SORCS3: variants seen among roughly 807,000 people sequenced by gnomAD.
The protein encoded by SORCS3 is sortilin related VPS10 domain containing receptor 3, also known as VPS10 domain-containing receptor SorCS3.
A neutral mutation model predicts 146.3 loss-of-function variants in SORCS3; 57 were observed. The observed-to-expected ratio is 0.39, with a 90% CI of 0.31 to 0.49. The LOEUF (loss-of-function observed/expected upper bound fraction) is 0.49, where lower values mean the gene tolerates loss of function less well. Ranked by LOEUF, SORCS3 falls within the 20% of genes least tolerant of loss-of-function variation. The pLI is 0.92. For synonymous variants in SORCS3, 653 were observed against 618.5 expected, an observed-to-expected ratio of 1.06 and a Z score of -0.83; for missense variants, 1,341 against 1,575.5, an observed-to-expected ratio of 0.85 and a Z score of 2.52.
At chr10:105,243,567 T>A (rs1261732421) in intron 20 of SORCS3, among the ~76,000 whole-genome samples, 1 of 152,148 alleles carries the variant, frequency 6.6e-6, no homozygotes, top group East Asian at 1.9e-4. Context: ...TATCGATTAA[T>A]TCAGAAGGTC....
At chr10:104,832,342 G>A (rs2018009975) in intron 1 of SORCS3, among the ~76,000 whole-genome samples, 1 of 152,148 alleles carries the variant, frequency 6.6e-6, no homozygotes, top group Non-Finnish European at 1.5e-5. Flanking sequence ...CAGCTGGTAA[G>A]TAACCCCTTC....
chr10:105,187,737 G>A (rs971347837), intron 14 of SORCS3, among the ~76,000 whole-genome samples: 1 of 152,110 alleles, frequency 6.6e-6, no homozygotes, highest in African/African-American at 2.4e-5. Flanking sequence ...GCTATTACAA[G>A]AACATTTATT....
chr10:104,905,833 T>C (rs1242838558), intron 2 of SORCS3, among the ~76,000 whole-genome samples: 2 of 152,154 alleles, frequency 1.3e-5, no homozygotes, highest in African/African-American at 4.8e-5. Context: ...CACTCTCTTC[T>C]CTCCCGGGCT....
At chr10:104,726,711 C>T (rs1205319423) in intron 1 of SORCS3, among the ~76,000 whole-genome samples, 4 of 152,132 alleles carry the variant, frequency 2.6e-5, no homozygotes, top group Admixed American at 2.6e-4. Flanking sequence ...ACTTCAGAGG[C>T]ATCTGCAATC....
intron 1 of SORCS3, among the ~76,000 whole-genome samples, chr10:104,813,177 T>G (rs1350732438): frequency 6.6e-6 from 1 of 152,204 alleles, no homozygotes; most frequent in African/African-American, 2.4e-5. Context: ...TTCAGGGCCT[T>G]CACTGCTGCT....
At chr10:105,237,555 A>G (rs1463546784) in intron 20 of SORCS3, among the ~76,000 whole-genome samples, 2 of 152,246 alleles carry the variant, frequency 1.3e-5, no homozygotes, top group Middle Eastern at 6.8e-3. Context: ...GTGCAGTGCT[A>G]TTTGCTAACA....
intron 3 of SORCS3, among the ~76,000 whole-genome samples, chr10:104,947,283 A>G (rs920359235): frequency 1.3e-5 from 2 of 152,198 alleles, no homozygotes; most frequent in South Asian, 2.1e-4. Flanking sequence ...AGCAGGGTCC[A>G]TGCATTCTGT....
intron 4 of SORCS3, among the ~76,000 whole-genome samples, chr10:105,016,701 A>G (rs1349717725): frequency 6.6e-6 from 1 of 152,102 alleles, no homozygotes; most frequent in Non-Finnish European, 1.5e-5. Flanking sequence ...AGGCTCTATC[A>G]TGCTGGCTGG....
At chr10:104,909,335 C>G (rs912411646) in intron 2 of SORCS3, among the ~76,000 whole-genome samples, 1 of 151,992 alleles carries the variant, frequency 6.6e-6, no homozygotes, top group Non-Finnish European at 1.5e-5. Context: ...TGTCAGATGC[C>G]GTGGTTGATA....
intron 11 of SORCS3, among the ~76,000 whole-genome samples, chr10:105,163,558 A>G (rs1186563007): frequency 1.3e-5 from 2 of 152,176 alleles, no homozygotes; most frequent in Non-Finnish European, 1.5e-5. Context: ...AAACGAAATC[A>G]ATATAGATGG....
chr10:104,959,325 C>T (rs61867167), intron 3 of SORCS3, among the ~76,000 whole-genome samples: 30,711 of 151,854 alleles, frequency 0.2, 3,980 homozygotes, highest in African/African-American at 0.36. Flanking sequence ...ATTTGGATGT[C>T]GGGCATTCAG....
chr10:105,002,936 A>G (rs1394521624), intron 4 of SORCS3, among the ~76,000 whole-genome samples: 3 of 152,174 alleles, frequency 2.0e-5, no homozygotes, highest in Non-Finnish European at 4.4e-5. Context: ...TATTGGCTTT[A>G]TTTGTATTAA....
intron 18 of SORCS3, among the ~76,000 whole-genome samples, chr10:105,215,605 G>C (rs2056660280): frequency 6.6e-6 from 1 of 152,150 alleles, no homozygotes; most frequent in Non-Finnish European, 1.5e-5. Flanking sequence ...CAGGACCACA[G>C]CTATAAAAAC....
chr10:105,064,524 T>A (rs1270407435), intron 5 of SORCS3, among the ~76,000 whole-genome samples: 1 of 152,168 alleles, frequency 6.6e-6, no homozygotes, highest in Non-Finnish European at 1.5e-5. Flanking sequence ...TCAGTCCAAG[T>A]CCAACAGTCT....
At chr10:104,848,051 A>G (rs1402585903) in intron 2 of SORCS3, among the ~76,000 whole-genome samples, 1 of 152,152 alleles carries the variant, frequency 6.6e-6, no homozygotes, top group African/African-American at 2.4e-5. Flanking sequence ...TCTCAAGGGC[A>G]GGGACCGTGT....
chr10:104,713,970 G>A (rs1037120531), intron 1 of SORCS3, among the ~76,000 whole-genome samples: 5 of 152,136 alleles, frequency 3.3e-5, no homozygotes, highest in Non-Finnish European at 7.4e-5. Context: ...TTCTCCTTGT[G>A]TGAGTTATGC....
intron 1 of SORCS3, among the ~76,000 whole-genome samples, chr10:104,663,192 A>G (rs2015724698): frequency 1.3e-5 from 2 of 152,160 alleles, no homozygotes; most frequent in African/African-American, 2.4e-5. Context: ...TGTTGTAATT[A>G]AAGGAAGCCA....
chr10:104,881,213 C>G (rs905866812), intron 2 of SORCS3, among the ~76,000 whole-genome samples: 1 of 152,134 alleles, frequency 6.6e-6, no homozygotes, highest in African/African-American at 2.4e-5. Flanking sequence ...TAGCTACATG[C>G]ACAGTACAAT....
chr10:104,902,150 T>C (rs916004328), intron 2 of SORCS3, among the ~76,000 whole-genome samples: 4 of 152,204 alleles, frequency 2.6e-5, no homozygotes, highest in African/African-American at 7.2e-5. Context: ...AGAAACCCAA[T>C]CAACCATAAC....
Sources: allele counts gnomAD v4.1 joint callset (sites outside exome capture counted in the v4.1 genomes callset), GRCh38; gene constraint gnomAD v4.1.1; transcripts MANE v1.5; gene names NCBI Gene and HGNC (gene_info 2026-07-23, HGNC 2026-07-21).